COLEC12: variants seen among roughly 807,000 people sequenced by gnomAD.
COLEC12 encodes the protein collectin-12.
Under a neutral mutation model 71.1 loss-of-function variants are expected in COLEC12, and 33 were observed. That is an observed-to-expected ratio of 0.46 (90% CI 0.35 to 0.62). The LOEUF is 0.62. COLEC12 is among the 20% of genes least tolerant of loss of function. The pLI is 0.00. For missense variants in COLEC12, 765 were observed against 916.1 expected, an observed-to-expected ratio of 0.84 and a Z score of 2.13; for synonymous variants, 350 against 353.0, an observed-to-expected ratio of 0.99 and a Z score of 0.10.
intron 2 of COLEC12, among the ~76,000 whole-genome samples, chr18:427,190 C>T (rs2143665458): frequency 6.6e-6 from 1 of 152,298 alleles, no homozygotes; most frequent in South Asian, 2.1e-4. Context: ...GACTTGCATA[C>T]TGGGGCTGGC....
intron 8 of COLEC12, among the ~76,000 whole-genome samples, chr18:324,876 C>T (rs137894491): frequency 6.6e-6 from 1 of 152,046 alleles, no homozygotes; most frequent in African/African-American, 2.4e-5. Flanking sequence ...AATGAAAGAG[C>T]CTGGAACAGA....
intron 2 of COLEC12, among the ~76,000 whole-genome samples, chr18:378,853 C>T (rs1330662288): frequency 6.6e-6 from 1 of 152,136 alleles, no homozygotes; most frequent in Non-Finnish European, 1.5e-5. Context: ...CCCCAAGTAC[C>T]TGCTTTGCTC....
At chr18:383,312 G>A (rs1915274278) in intron 2 of COLEC12, among the ~76,000 whole-genome samples, 2 of 152,214 alleles carry the variant, frequency 1.3e-5, no homozygotes, top group African/African-American at 4.8e-5. Flanking sequence ...AAGAGTTTGA[G>A]TGAGTAGCCT....
intron 2 of COLEC12, among the ~76,000 whole-genome samples, chr18:440,230 G>A (rs1916488540): frequency 6.6e-6 from 1 of 152,098 alleles, no homozygotes; most frequent in Non-Finnish European, 1.5e-5. Flanking sequence ...GCTGGTTAAA[G>A]GGGTACAAAC....
chr18:374,794 A>C (rs990675822), intron 2 of COLEC12, among the ~76,000 whole-genome samples: 18 of 152,124 alleles, frequency 1.2e-4, no homozygotes, highest in South Asian at 2.1e-4. Flanking sequence ...TAACTAACTC[A>C]AGACAGCAAC....
At chr18:396,008 G>A (rs1052077323) in intron 2 of COLEC12, among the ~76,000 whole-genome samples, 5 of 152,210 alleles carry the variant, frequency 3.3e-5, no homozygotes, top group East Asian at 1.9e-4. Flanking sequence ...GGTGGAGAGC[G>A]CTGCCAAGGA....
At chr18:416,791 A>C (rs1915994113) in intron 2 of COLEC12, among the ~76,000 whole-genome samples, 2 of 146,990 alleles carry the variant, frequency 1.4e-5, no homozygotes, top group Admixed American at 1.4e-4. Flanking sequence ...ATAATAATTA[A>C]ATTTAGAAGA....
At chr18:354,442 C>T (rs1187321918) in intron 3 of COLEC12, among the ~76,000 whole-genome samples, 1 of 152,216 alleles carries the variant, frequency 6.6e-6, no homozygotes, top group African/African-American at 2.4e-5. Context: ...TTTGCCAGCT[C>T]TGATAAATAA....
At chr18:483,052 TA>T (rs1372147747) in intron 1 of COLEC12, among the ~76,000 whole-genome samples, 1 of 152,236 alleles carries the variant, frequency 6.6e-6, no homozygotes, top group Non-Finnish European at 1.5e-5. Flanking sequence ...ATGCTATCTA[TA>T]AACACAATGT....
intron 5 of COLEC12, among the ~76,000 whole-genome samples, chr18:338,432 G>C (rs563043587): frequency 6.6e-6 from 1 of 152,276 alleles, no homozygotes; most frequent in Admixed American, 6.5e-5. Flanking sequence ...GACCTGCCTG[G>C]TGCCCCGCAT....
chr18:332,452 G>A (rs192450849), intron 7 of COLEC12, among the ~76,000 whole-genome samples: 7 of 152,290 alleles, frequency 4.6e-5, no homozygotes, highest in Admixed American at 2.6e-4. Flanking sequence ...AAACCTTGCC[G>A]GGCCTCAGTT....
chr18:375,345 T>C (rs1266874778), intron 2 of COLEC12, among the ~76,000 whole-genome samples: 1 of 152,182 alleles, frequency 6.6e-6, no homozygotes, highest in African/African-American at 2.4e-5. Context: ...CCTAGGACAC[T>C]CTCCTGTGGG....
chr18:485,665 C>T (rs1236795894), intron 1 of COLEC12, among the ~76,000 whole-genome samples: 1 of 152,242 alleles, frequency 6.6e-6, no homozygotes, highest in African/African-American at 2.4e-5. Flanking sequence ...AATTTGGCTG[C>T]TGATTTATTC....
At chr18:447,894 G>A (rs1916683949) in intron 2 of COLEC12, among the ~76,000 whole-genome samples, 2 of 152,104 alleles carry the variant, frequency 1.3e-5, no homozygotes, top group Non-Finnish European at 2.9e-5. Context: ...TTCATCTTTG[G>A]TAGCGGTCAA....
chr18:494,949 C>G (rs1461782139), intron 1 of COLEC12, among the ~76,000 whole-genome samples: 1 of 152,136 alleles, frequency 6.6e-6, no homozygotes, highest in Non-Finnish European at 1.5e-5. Flanking sequence ...CATTTTAAAA[C>G]CCCCATGCTG....
intron 2 of COLEC12, among the ~76,000 whole-genome samples, chr18:370,076 T>C (rs1026385954): frequency 6.6e-6 from 1 of 152,092 alleles, no homozygotes; most frequent in Admixed American, 6.5e-5. Context: ...ATGAGATGCA[T>C]AAATGACTGT....
At chr18:464,971 A>C (rs1917057702) in intron 2 of COLEC12, among the ~76,000 whole-genome samples, 1 of 152,200 alleles carries the variant, frequency 6.6e-6, no homozygotes, top group Non-Finnish European at 1.5e-5. Context: ...CTCCCATCAC[A>C]CTGGGGACCT....
At chr18:475,153 T>G (rs1277994641) in intron 2 of COLEC12, among the ~76,000 whole-genome samples, 1 of 152,146 alleles carries the variant, frequency 6.6e-6, no homozygotes, top group African/African-American at 2.4e-5. Flanking sequence ...ACTCTCCCCT[T>G]AACTTGATGC....
At chr18:391,213 A>T (rs1436037183) in intron 2 of COLEC12, among the ~76,000 whole-genome samples, 2 of 152,096 alleles carry the variant, frequency 1.3e-5, no homozygotes, top group African/African-American at 2.4e-5. Context: ...AAAACTCTCA[A>T]TGCTTTGAGC....
Sources: gnomAD v4.1 joint callset for allele counts (sites outside exome capture counted in the v4.1 genomes callset) on GRCh38, gnomAD v4.1.1 for gene constraint, MANE v1.5 for transcripts, NCBI Gene and HGNC (gene_info 2026-07-23, HGNC 2026-07-21) for gene names.